ZNF451: variants seen among roughly 807,000 people sequenced by gnomAD.
ZNF451 encodes zinc finger protein 451.
In ZNF451, 80 loss-of-function variants were observed where a neutral mutation model predicts 107.1. The observed-to-expected ratio is 0.75, with a 90% CI of 0.62 to 0.90. The LOEUF (loss-of-function observed/expected upper bound fraction) is 0.90, where lower values mean the gene tolerates loss of function less well. Ranked by LOEUF, ZNF451 falls within the 40% of genes least tolerant of loss-of-function variation. The pLI is 0.00. For synonymous variants in ZNF451, 362 were observed against 406.5 expected (o/e 0.89, Z 1.32); for missense variants, 1,107 against 1,236.2 (o/e 0.90, Z 1.57).
chr6:57,167,163 TTG>T (rs1239379716), intron 14 of ZNF451, among the ~76,000 whole-genome samples: 1 of 151,732 alleles, frequency 6.6e-6, no homozygotes, highest in Non-Finnish European at 1.5e-5. Context: ...AAAACAGACG[TTG>T]TGATTTCGTA....
chr6:57,112,805 G>C (rs945277363), intron 3 of ZNF451, among the ~76,000 whole-genome samples: 4 of 152,074 alleles, frequency 2.6e-5, no homozygotes, highest in African/African-American at 7.2e-5. Flanking sequence ...TTCTATTAAA[G>C]TAATTTTGTA....
chr6:57,138,735 A>ATG (rs1831580311), intron 7 of ZNF451, among the ~76,000 whole-genome samples: 39 of 104,934 alleles, frequency 3.7e-4, no homozygotes, highest in East Asian at 1.5e-3. Flanking sequence ...ATATATATAT[A>ATG]TATATATGTG....
intron 3 of ZNF451, chr6:57,104,463 C>T (rs376480821): frequency 1.0e-6 from 1 of 985,340 alleles, no homozygotes; most frequent in South Asian, 4.7e-5. Context: ...ATGTCATAAA[C>T]TTGGTGGTTT....
rs1204636232 is a variant in ZNF451 at position 57,101,079 on chromosome 6, C to T, written c.186+1938C>T. On this transcript the variant is annotated intron_variant, in intron 3 of 14. Transcript: ENST00000370706. ...GTGAGAACTCCTCAGTTCCTTGGGA[C>T]ATCTCCACCTCTAAAGAGGAAAATT... is the stretch of plus-strand genomic sequence containing the variant. 3.9e-6 allele frequency: 6 copies of T among 1,550,794 alleles called. No homozygotes were observed. In the Admixed American group the frequency reaches 9.8e-5, roughly 25 times the overall value.
chr6:57,152,254 G>T lies in ZNF451; in HGVS notation c.2786G>T (p.Cys929Phe). The T allele has an allele frequency of 6.2e-7, 1 of 1,613,700 alleles. No individual in the cohort carries two copies. The highest frequency in any genetic ancestry group is 8.5e-7 in the Non-Finnish European group (1 of 1,179,856). Residue 929 changes from cysteine (C) to phenylalanine (F), a missense_variant, in exon 12 of 15, where the codon TGT becomes TTT. Around this residue, in one of 5 missense-constraint regions of ZNF451, gnomAD observed 151 missense variants for 173.3 expected, o/e 0.87. Coordinates refer to ENST00000370706, the MANE Select transcript of ZNF451 (RefSeq NM_001031623.3). Reference protein sequence around the residue: ...GNTNWKPPLNCKIYNYLNRIG... With the variant: ...GNTNWKPPLNFKIYNYLNRIG... ...ACCAATTGGAAGCCTCCGCTCAACTGTAAGATTTATAACTACCTGAACAGG... is the reference window on the plus strand; with the variant it reads ...ACCAATTGGAAGCCTCCGCTCAACTTTAAGATTTATAACTACCTGAACAGG...
intron 3 of ZNF451, chr6:57,103,989 C>G (rs1315993385): frequency 9.1e-6 from 9 of 985,134 alleles, no homozygotes; most frequent in Non-Finnish European, 3.6e-6. Context: ...CTGTATTGAT[C>G]TTGTTTGTCC....
intron 7 of ZNF451, among the ~76,000 whole-genome samples, chr6:57,140,306 C>T (rs1445837532): frequency 6.6e-6 from 1 of 152,150 alleles, no homozygotes; most frequent in African/African-American, 2.4e-5. Flanking sequence ...TGGCTCATGC[C>T]TGTAATCCTA....
In ZNF451 at chr6:57,147,850, G is replaced by C; in HGVS notation, c.1765G>C (p.Ala589Pro). The C allele has an allele frequency of 1.2e-6, 2 of 1,614,120 alleles. No individual in the cohort carries two copies. The highest frequency in any genetic ancestry group is 1.7e-6 in the Non-Finnish European group (2 of 1,179,980). Residue 589 changes from alanine to proline, a missense_variant, in exon 10 of 15, where the codon GCT becomes CCT. Transcript: ENST00000370706. The stretch of plus-strand genomic sequence containing the variant: ...TTTGACTGCTAACAAGCCTTCATCA[G>C]CTATTACTGTTATTGATCATTCCCC... ...DNLTANKPSS[A>P]ITVIDHSPAN...
At chr6:57,092,362 C>T (rs1439311070) in intron 2 of ZNF451, among the ~76,000 whole-genome samples, 1 of 152,236 alleles carries the variant, frequency 6.6e-6, no homozygotes, top group Non-Finnish European at 1.5e-5. Flanking sequence ...GGATCACTTC[C>T]GTCTTTGCAT....
At chr6:57,158,556 G>A (rs1330249523) in intron 13 of ZNF451, 1 of 985,224 alleles carries the variant, frequency 1.0e-6, no homozygotes, top group Non-Finnish European at 1.2e-6. Flanking sequence ...TACAAGCACT[G>A]CAGTGAGCTT....
intron 13 of ZNF451, chr6:57,158,404 G>GT: frequency 1.8e-6 from 1 of 547,384 alleles, no homozygotes; most frequent in Non-Finnish European, 2.3e-6. Flanking sequence ...GTGAGTTCTG[G>GT]TGCTTTAAAA....
chr6:57,104,996 G>A, intron 3 of ZNF451: 1 of 982,774 alleles, frequency 1.0e-6, no homozygotes, highest in Non-Finnish European at 1.2e-6. Flanking sequence ...TCTTTAATGT[G>A]TTAATTTTTT....
chr6:57,104,554 C>T (rs1221691943), intron 3 of ZNF451: 6 of 984,932 alleles, frequency 6.1e-6, no homozygotes, highest in Non-Finnish European at 7.2e-6. Flanking sequence ...ACGATTTTGG[C>T]ACTTCCCTTT....
At chr6:57,102,487 C>G (rs1234191020) in intron 3 of ZNF451, 6 of 994,016 alleles carry the variant, frequency 6.0e-6, no homozygotes, top group Non-Finnish European at 7.2e-6. Context: ...AGAAATAATA[C>G]TAGATGTCTG....
chr6:57,125,643 C>T (rs1830894669), intron 4 of ZNF451, among the ~76,000 whole-genome samples: 1 of 152,068 alleles, frequency 6.6e-6, no homozygotes, highest in African/African-American at 2.4e-5. Flanking sequence ...GTAATTTTAA[C>T]GTGCATGTTT....
chr6:57,118,526 C>T (rs1830478470), intron 3 of ZNF451, among the ~76,000 whole-genome samples: 1 of 152,118 alleles, frequency 6.6e-6, no homozygotes, highest in Non-Finnish European at 1.5e-5. Flanking sequence ...GAGAGTCTTG[C>T]TTTGTTGTCC....
At chr6:57,159,403 CT>C (rs1722260283) in intron 13 of ZNF451, 2 of 985,204 alleles carry the variant, frequency 2.0e-6, no homozygotes, top group Non-Finnish European at 1.2e-6. Flanking sequence ...GGGTATTTTC[CT>C]TTTGTTCTTA....
intron 14 of ZNF451, among the ~76,000 whole-genome samples, chr6:57,164,309 C>T (rs1391016944): frequency 1.3e-5 from 2 of 152,294 alleles, no homozygotes; most frequent in Non-Finnish European, 2.9e-5. Flanking sequence ...TCAGCTTCCT[C>T]CTCTTAAATA....
chr6:57,097,035 G>T (rs958974718), intron 2 of ZNF451, among the ~76,000 whole-genome samples: 3 of 152,014 alleles, frequency 2.0e-5, no homozygotes, highest in African/African-American at 7.2e-5. Flanking sequence ...CTCCCAAGGT[G>T]CTGGAATTAC....
Sources: allele counts gnomAD v4.1 joint callset (sites outside exome capture counted in the v4.1 genomes callset), GRCh38; gene constraint gnomAD v4.1.1; regional missense constraint gnomAD v4.1.1; transcripts MANE v1.5; gene names NCBI Gene and HGNC (gene_info 2026-07-23, HGNC 2026-07-21).